GPHN: variants seen among roughly 807,000 people sequenced by gnomAD.
GPHN encodes gephyrin.
GPHN carries 17 observed loss-of-function variants against 95.5 expected under a neutral mutation model. The ratio of observed to expected loss-of-function variants is 0.18; its 90% CI spans 0.12 to 0.27. The LOEUF (loss-of-function observed/expected upper bound fraction) is 0.27, where lower values mean the gene tolerates loss of function less well. Among genes scored for constraint, GPHN ranks in the 10% least tolerant of loss-of-function variants. The probability of loss-of-function intolerance (pLI) is 1.00; values close to 1 mark genes in which losing one functional copy is unlikely to be tolerated. For missense variants in GPHN, 660 were observed against 978.1 expected, an observed-to-expected ratio of 0.67 and a Z score of 4.34; for synonymous variants, 320 against 322.5, an observed-to-expected ratio of 0.99 and a Z score of 0.08.
chr14:67,585,454 G>A, the GPHN span: 4 of 687,584 alleles, frequency 5.8e-6, no homozygotes, highest in Non-Finnish European at 1.0e-5. Context: ...AAGATGAGGT[G>A]GCTGGAAATC....
At chr14:67,409,270 G>T in the GPHN span, among the ~76,000 whole-genome samples, 1 of 150,918 alleles carries the variant, frequency 6.6e-6, no homozygotes, top group Admixed American at 6.6e-5. Context: ...ACAGGGGGGT[G>T]TGGTGACTCA....
At chr14:67,399,642 G>A in the GPHN span, among the ~76,000 whole-genome samples, 1 of 148,270 alleles carries the variant, frequency 6.7e-6, no homozygotes, top group Non-Finnish European at 1.5e-5. Flanking sequence ...GGTAGTTTAG[G>A]TGGTTCTCAG....
chr14:66,516,494 T>G (rs975941160), intron 1 of GPHN, among the ~76,000 whole-genome samples: 1 of 152,192 alleles, frequency 6.6e-6, no homozygotes, highest in African/African-American at 2.4e-5. Context: ...ATTTGTGATA[T>G]TACATCCAGT....
chr14:66,880,195 T>C (rs1448349565), intron 5 of GPHN, among the ~76,000 whole-genome samples, 162 bp downstream of exon 5: 1 of 152,050 alleles, frequency 6.6e-6, no homozygotes, highest in Non-Finnish European at 1.5e-5. Context: ...CCTACTATCA[T>C]TGTTAAAAAA....
At chr14:67,476,992 G>A in the GPHN span, among the ~76,000 whole-genome samples, 1 of 152,026 alleles carries the variant, frequency 6.6e-6, no homozygotes, top group East Asian at 1.9e-4. Context: ...TGGATGGGTA[G>A]GTATTAATGT....
At chr14:66,856,298 T>G (rs548065076) in intron 4 of GPHN, among the ~76,000 whole-genome samples, 1 of 152,256 alleles carries the variant, frequency 6.6e-6, no homozygotes, top group Non-Finnish European at 1.5e-5. Flanking sequence ...ATTCAAACAA[T>G]TTATATTTCC....
At chr14:66,870,166 C>T (rs781316460) in intron 4 of GPHN, among the ~76,000 whole-genome samples, 2 of 152,086 alleles carry the variant, frequency 1.3e-5, no homozygotes, top group Non-Finnish European at 2.9e-5. Flanking sequence ...TTGATACAAA[C>T]GTGAGAAAGA....
At chr14:67,361,600 T>G in the GPHN span, among the ~76,000 whole-genome samples, 1 of 152,258 alleles carries the variant, frequency 6.6e-6, no homozygotes, top group East Asian at 1.9e-4. Context: ...ATATCCATTA[T>G]AGCAGTTTGA....
intron 17 of GPHN, among the ~76,000 whole-genome samples, chr14:67,130,868 A>T (rs1197352714): frequency 6.6e-6 from 1 of 152,164 alleles, no homozygotes; most frequent in Non-Finnish European, 1.5e-5. Context: ...TTAAATGATC[A>T]TATCCCTAAA....
chr14:66,677,693 C>T (rs1184762347), intron 1 of GPHN, among the ~76,000 whole-genome samples: 9 of 127,096 alleles, frequency 7.1e-5, no homozygotes, highest in Non-Finnish European at 1.4e-4. Flanking sequence ...AGTCTTGTGG[C>T]CTAACATGTG....
chr14:67,396,755 G>A, the GPHN span, among the ~76,000 whole-genome samples: 1 of 152,204 alleles, frequency 6.6e-6, no homozygotes, highest in African/African-American at 2.4e-5. Context: ...AGGGATAAAG[G>A]GTTTTCTGCA....
chr14:67,589,268 T>C, the GPHN span: 1 of 861,724 alleles, frequency 1.2e-6, no homozygotes, highest in Middle Eastern at 6.1e-4. Flanking sequence ...AACCCTTTAG[T>C]TTATTAATCT....
At position 66,591,722 on chromosome 14, in the gene GPHN, C is replaced by A. The variant is rs896338589; in HGVS notation, c.64+83131C>A. ...GAAGAATCAATATCGTGAAAATGACCATACTGCCCAAAGTAATTTATAGAT... is the reference window on the plus strand; with the variant it reads ...GAAGAATCAATATCGTGAAAATGACAATACTGCCCAAAGTAATTTATAGAT... On this transcript the variant is annotated intron_variant, in intron 1 of 22. Transcript: ENST00000478722. Among the ~76,000 whole-genome samples the A allele has an allele frequency of 2.6e-5, 4 of 152,148 alleles. No homozygotes were observed. In the East Asian group the frequency reaches 7.7e-4, roughly 29 times the overall value.
At chr14:66,673,909 A>G (rs2066439160) in intron 1 of GPHN, among the ~76,000 whole-genome samples, 1 of 152,144 alleles carries the variant, frequency 6.6e-6, no homozygotes, top group Non-Finnish European at 1.5e-5. Flanking sequence ...TGATATTTCA[A>G]TACATTTACA....
intron 9 of GPHN, among the ~76,000 whole-genome samples, chr14:66,990,982 T>C (rs2071380824): frequency 1.3e-5 from 2 of 152,040 alleles, no homozygotes; most frequent in South Asian, 4.1e-4. Flanking sequence ...AATATGTTAT[T>C]TTGTAGAAAG....
At chr14:67,317,388 T>C in the GPHN span, 3 of 1,591,534 alleles carry the variant, frequency 1.9e-6, no homozygotes, top group Non-Finnish European at 2.6e-6. Context: ...TTTATAGTTA[T>C]GTTTATGATT....
rs372465743 is a variant in GPHN at position 67,111,866 on chromosome 14, T to A, written c.1419T>A (p.Thr473=). The change falls in exon 15 of 23, where the codon ACT becomes ACA. Residue 473 remains threonine (T), a synonymous_variant. Transcript: ENST00000478722. Reference sequence around the variant, plus strand: ...ATGACCGGCTGTTATTATAGGGCACTGAAGAACTTGAAGTGCGAATTCTGG... The same window carrying A: ...ATGACCGGCTGTTATTATAGGGCACAGAAGAACTTGAAGTGCGAATTCTGG... ...TELIRESDDG[T]EELEVRILVQ... is the part of the protein sequence containing the mutation. The A allele has an allele frequency of 1.2e-6, 2 of 1,612,674 alleles. No individual in the cohort carries two copies.
At chr14:66,995,323 G>GT (rs2071711713) in intron 9 of GPHN, among the ~76,000 whole-genome samples, 1 of 152,170 alleles carries the variant, frequency 6.6e-6, no homozygotes, top group Admixed American at 6.5e-5. Context: ...TAAAATAGCT[G>GT]TTCCAAAAAT....
intron 4 of GPHN, among the ~76,000 whole-genome samples, chr14:66,845,819 C>CTGTGTGTGTGTGTGTGTGTG (rs367997271): frequency 7.5e-4 from 107 of 143,400 alleles, no homozygotes; most frequent in African/African-American, 2.6e-3. Flanking sequence ...ATACATGCCT[C>CTGTGTGTGTGTGTGTGTGTG]TGTGTGTGTG....
Sources: gnomAD v4.1 joint callset for allele counts (sites outside exome capture counted in the v4.1 genomes callset) on GRCh38, gnomAD v4.1.1 for gene constraint, MANE v1.5 for transcripts, NCBI Gene and HGNC (gene_info 2026-07-23, HGNC 2026-07-21) for gene names.